Variants in DNER observed in about 807,000 individuals in gnomAD.
The protein encoded by DNER is delta and Notch-like epidermal growth factor-related receptor.
A neutral mutation model predicts 78.2 loss-of-function variants in DNER; 33 were observed. That is an observed-to-expected ratio of 0.42 (90% CI 0.32 to 0.56). DNER has a LOEUF of 0.56. DNER is among the 20% of genes least tolerant of loss of function. The pLI is 0.11. For synonymous variants in DNER, 417 were observed against 384.8 expected (o/e 1.08, Z -0.98); for missense variants, 918 against 975.3 (o/e 0.94, Z 0.78).
intron 1 of DNER, among the ~76,000 whole-genome samples, chr2:229,624,602 A>G (rs1372917019): frequency 1.3e-5 from 2 of 152,240 alleles, no homozygotes. Context: ...ACAGGGCATA[A>G]AATAGTTCCT....
chr2:229,456,410 T>C (rs1215181989), intron 7 of DNER, among the ~76,000 whole-genome samples: 1 of 151,186 alleles, frequency 6.6e-6, no homozygotes, highest in Non-Finnish European at 1.5e-5. Flanking sequence ...GGGACAAACA[T>C]CTAAACCACA....
chr2:229,391,266 T>C (rs573798232), intron 10 of DNER, among the ~76,000 whole-genome samples: 1 of 152,362 alleles, frequency 6.6e-6, no homozygotes, highest in Non-Finnish European at 1.5e-5. Context: ...TCAATCAATA[T>C]TCGTTTTAAC....
At chr2:229,473,583 A>G (rs1694973270) in intron 7 of DNER, among the ~76,000 whole-genome samples, 1 of 152,232 alleles carries the variant, frequency 6.6e-6, no homozygotes, top group African/African-American at 2.4e-5. Flanking sequence ...AGTGAGTGAT[A>G]GCTAAGTGTT....
At chr2:229,380,785 A>C (rs1692717347) in intron 11 of DNER, among the ~76,000 whole-genome samples, 1 of 151,870 alleles carries the variant, frequency 6.6e-6, no homozygotes, top group Non-Finnish European at 1.5e-5. Context: ...ATTAGCCAGG[A>C]GTGGTGCCAC....
intron 1 of DNER, among the ~76,000 whole-genome samples, chr2:229,598,100 A>G (rs1697756670): frequency 1.3e-5 from 2 of 152,368 alleles, no homozygotes; most frequent in South Asian, 2.1e-4. Flanking sequence ...AAAAGGCATG[A>G]AAAAGGCCCA....
At chr2:229,442,126 T>A (rs995894469) in intron 8 of DNER, among the ~76,000 whole-genome samples, 3 of 152,112 alleles carry the variant, frequency 2.0e-5, no homozygotes, top group African/African-American at 7.2e-5. Context: ...AGGATTAGGA[T>A]CTGGAGGAAA....
chr2:229,545,922 C>A (rs1696618766), intron 5 of DNER, among the ~76,000 whole-genome samples: 1 of 152,184 alleles, frequency 6.6e-6, no homozygotes, highest in African/African-American at 2.4e-5. Context: ...GAGGAAATTA[C>A]CACATTGGCA....
intron 5 of DNER, among the ~76,000 whole-genome samples, chr2:229,538,008 T>C (rs1230412654): frequency 6.6e-6 from 1 of 152,208 alleles, no homozygotes; most frequent in African/African-American, 2.4e-5. Flanking sequence ...GTACCAAGAA[T>C]TATAATTCAA....
rs144720883 is a variant in DNER, at chr2:229,488,248, G to T, written c.1148-10995C>A. On this transcript the variant is annotated intron_variant, in intron 6 of 12. Transcript: ENST00000341772. Reference sequence around the variant, plus strand: ...TTCATCCTCTTACTAGTGTTTAGAGGCTACAAAGAAGTGCCCTTGATGGCT... The same window carrying T: ...TTCATCCTCTTACTAGTGTTTAGAGTCTACAAAGAAGTGCCCTTGATGGCT... Among the ~76,000 whole-genome samples the T allele has an allele frequency of 3.9e-3, 598 of 152,330 alleles. 3 individuals are homozygous for T. Among genetic ancestry groups the T allele is most frequent in the African/African-American group, 0.014 (578 of 41,572 alleles).
chr2:229,611,130 G>A (rs539653871), intron 1 of DNER, among the ~76,000 whole-genome samples: 1 of 152,332 alleles, frequency 6.6e-6, no homozygotes, highest in African/African-American at 2.4e-5. Flanking sequence ...CAGCTGTATA[G>A]TGCCCCACAG....
At chr2:229,674,982 A>G (rs959110197) in intron 1 of DNER, among the ~76,000 whole-genome samples, 4 of 152,224 alleles carry the variant, frequency 2.6e-5, no homozygotes, top group African/African-American at 9.6e-5. Context: ...AGCCATCAGC[A>G]TTAGTCATCT....
intron 9 of DNER, among the ~76,000 whole-genome samples, chr2:229,412,241 C>CTCTTCAG (rs1313846610): frequency 6.6e-6 from 1 of 152,214 alleles, no homozygotes; most frequent in Non-Finnish European, 1.5e-5. Flanking sequence ...AGACGGGTTA[C>CTCTTCAG]ACAGAGGTCC....
intron 1 of DNER, among the ~76,000 whole-genome samples, chr2:229,623,976 G>T (rs1215280140): frequency 6.6e-6 from 1 of 152,236 alleles, no homozygotes; most frequent in Non-Finnish European, 1.5e-5. Context: ...AACAGCCATG[G>T]TGGGGCTTCA....
chr2:229,616,824 G>A (rs185239433), intron 1 of DNER, among the ~76,000 whole-genome samples: 11 of 152,212 alleles, frequency 7.2e-5, no homozygotes, highest in African/African-American at 2.2e-4. Context: ...CATTCCTAAT[G>A]TATCTTAAAT....
chr2:229,546,621 A>AGC (rs1167329435), intron 5 of DNER, among the ~76,000 whole-genome samples: 1 of 152,224 alleles, frequency 6.6e-6, no homozygotes, highest in Admixed American at 6.5e-5. Context: ...CTGTGGTCCC[A>AGC]GCTACTCAGG....
chr2:229,546,796 G>T, intron 5 of DNER, 151 bp downstream of exon 5: 1 of 1,175,834 alleles, frequency 8.5e-7, no homozygotes, highest in Non-Finnish European at 1.2e-6. Context: ...CAGATAGATA[G>T]ATAGATAGAC....
intron 8 of DNER, among the ~76,000 whole-genome samples, chr2:229,431,042 A>G (rs550595290): frequency 6.6e-6 from 1 of 152,322 alleles, no homozygotes; most frequent in Non-Finnish European, 1.5e-5. Context: ...AAGAAGAATT[A>G]TACTTTTTAA....
intron 1 of DNER, among the ~76,000 whole-genome samples, chr2:229,597,379 A>T (rs1224383479): frequency 1.3e-5 from 2 of 152,244 alleles, no homozygotes; most frequent in Non-Finnish European, 2.9e-5. Context: ...TATTTATCTT[A>T]AGTCCTACGT....
intron 11 of DNER, among the ~76,000 whole-genome samples, chr2:229,377,815 T>A (rs1278205422): frequency 6.6e-6 from 1 of 152,182 alleles, no homozygotes; most frequent in Non-Finnish European, 1.5e-5. Flanking sequence ...AGGAATGAGA[T>A]ACCATTGGTG....
Sources: gnomAD v4.1 joint callset for allele counts (sites outside exome capture counted in the v4.1 genomes callset) on GRCh38, gnomAD v4.1.1 for gene constraint, MANE v1.5 for transcripts, NCBI Gene and HGNC (gene_info 2026-07-23, HGNC 2026-07-21) for gene names.